CCDC150: variants seen among roughly 807,000 people sequenced by gnomAD.
CCDC150 encodes coiled-coil domain-containing protein 150.
A neutral mutation model predicts 156.5 loss-of-function variants in CCDC150; 151 were observed. That is an observed-to-expected ratio of 0.97 (90% confidence interval 0.85 to 1.10). The LOEUF (loss-of-function observed/expected upper bound fraction) is 1.10. Ranked by LOEUF, CCDC150 falls within the 50% of genes least tolerant of loss-of-function variation. CCDC150 has a pLI of 0.00. For missense variants in CCDC150, 1,312 were observed against 1,268.1 expected, an observed-to-expected ratio of 1.03 and a Z score of -0.53; for synonymous variants, 452 against 429.4, an observed-to-expected ratio of 1.05 and a Z score of -0.65.
At chr2:196,668,993 A>G (rs1694030892) in intron 7 of CCDC150, among the ~76,000 whole-genome samples, 1 of 152,180 alleles carries the variant, frequency 6.6e-6, no homozygotes, top group Non-Finnish European at 1.5e-5. Flanking sequence ...AACAAGACTG[A>G]TATGAATTTT....
intron 13 of CCDC150, among the ~76,000 whole-genome samples, chr2:196,692,300 A>T (rs1695536021): frequency 6.8e-6 from 1 of 146,652 alleles, no homozygotes; most frequent in South Asian, 2.2e-4. Flanking sequence ...GCGCCCGGCT[A>T]ATTTTTTGTA....
At chr2:196,712,846 G>A in intron 17 of CCDC150, 107 bp downstream of exon 17, 1 of 842,850 alleles carries the variant, frequency 1.2e-6, no homozygotes, top group Non-Finnish European at 1.9e-6. Context: ...AGTTAAGCAA[G>A]ATAACAAAAA....
At chr2:196,689,379 A>G (rs936131974) in intron 13 of CCDC150, among the ~76,000 whole-genome samples, 2 of 151,894 alleles carry the variant, frequency 1.3e-5, no homozygotes, top group African/African-American at 4.8e-5. Context: ...ACCCATGAGC[A>G]TGGAATGTTC....
At position 196,656,970 on chromosome 2, in the gene CCDC150, A is replaced by T; in HGVS notation, c.410A>T (p.Asp137Val). Reference protein sequence around the residue: ...LNPQKTAFLKDRLNAIQEEHS... With the variant: ...LNPQKTAFLKVRLNAIQEEHS... ...TGCGGTCTGGTAGCTTTTCTGAAAG[A>T]TCGACTGAATGCAATACAGGAAGAG... The change falls in exon 4 of 28, where the codon GAT (aspartate) becomes GTT (valine). Residue 137 changes from aspartate to valine, a missense_variant. Transcript: ENST00000389175. 2 of 1,613,450 alleles carry T rather than the reference A, an allele frequency of 1.2e-6. No individual in the cohort carries two copies. The highest frequency in any genetic ancestry group is 1.7e-6 in the Non-Finnish European group (2 of 1,179,648).
intron 16 of CCDC150, 99 bp downstream of exon 16, chr2:196,712,351 A>G (rs879634538): frequency 1.5e-6 from 1 of 661,362 alleles, no homozygotes; most frequent in Non-Finnish European, 2.5e-6. Context: ...TCCCAGAAAG[A>G]TAAATATGCT....
rs548682205 is a variant in CCDC150, at chr2:196,658,708, A to G, written c.577-84A>G. On this transcript the variant is annotated intron_variant, in intron 4 of 27. Transcript: ENST00000389175. ...TAGCATTTATAGGTTGCCAGAAAAA[A>G]ACCTGATTTGATCTGATATACCTAT... The G allele has an allele frequency of 2.7e-3, 2,648 of 971,370 alleles. 1 individual carries two copies. The highest frequency in any genetic ancestry group is 4.5e-3 in the Middle Eastern group (17 of 3,750). The allele number at this position is 971,370 out of a possible 1,614,324, so 60.2% of individuals were successfully genotyped here. A position where few individuals can be genotyped will look rare whatever the true frequency, so the allele number is the denominator to read the frequency against.
chr2:196,669,453 G>A (rs1694064275), intron 7 of CCDC150, among the ~76,000 whole-genome samples: 1 of 152,122 alleles, frequency 6.6e-6, no homozygotes, highest in Non-Finnish European at 1.5e-5. Context: ...TGTCTCTGTT[G>A]TCATGACCAG....
chr2:196,657,645 A>G (rs1160690799), intron 4 of CCDC150, among the ~76,000 whole-genome samples: 1 of 152,222 alleles, frequency 6.6e-6, no homozygotes, highest in Non-Finnish European at 1.5e-5. Context: ...GGGTGAAGAC[A>G]TTTCAAGGAG....
At chr2:196,667,145 A>C (rs1158029883) in intron 7 of CCDC150, 1 of 393,968 alleles carries the variant, frequency 2.5e-6, no homozygotes, top group African/African-American at 2.0e-5. Context: ...TGGGCAAAAA[A>C]AGTAAAACAA....
rs781673576 is a variant in CCDC150, at chr2:196,732,577, G to C, written c.*15G>C. ...AGAGGAAGTGATGTCCTTGACAAGG[G>C]AGCTTCTTTATGTGTAGCTACACTC... On this transcript the variant is annotated 3_prime_UTR_variant, in exon 28 of 28. Coordinates refer to ENST00000389175, the MANE Select transcript of CCDC150 (RefSeq NM_001080539.2). The C allele has an allele frequency of 9.1e-6, 14 of 1,546,154 alleles. No individual in the cohort carries two copies. The highest frequency in any genetic ancestry group is 2.2e-5 in the South Asian group (2 of 89,686).
At position 196,646,413 on chromosome 2, in the gene CCDC150, T is replaced by C; in HGVS notation, c.85T>C (p.Phe29Leu). The C allele has an allele frequency of 6.2e-7, 1 of 1,613,780 alleles. No individual in the cohort carries two copies. The highest frequency in any genetic ancestry group is 1.7e-5 in the Admixed American group (1 of 60,020). Residue 29 changes from phenylalanine to leucine, a missense_variant, in exon 2 of 28, where the codon TTC (phenylalanine) becomes CTC (leucine). Physicochemically the swap from Phe to Leu is conservative, Grantham distance 22. Coordinates refer to ENST00000389175, the MANE Select transcript of CCDC150 (RefSeq NM_001080539.2). ...CATCAACGCTACAGCTTCTGAAACA[T>C]TCACAGTACTTCAGCAAAGGATGAG... ...THINATASET[F>L]TVLQQRMRIV...
chr2:196,648,268 G>A (rs749069225), intron 2 of CCDC150, among the ~76,000 whole-genome samples: 2 of 151,990 alleles, frequency 1.3e-5, no homozygotes, highest in Admixed American at 1.3e-4. Flanking sequence ...TATGTACGGG[G>A]GTTCCCTTTT....
At chr2:196,712,984 G>A (rs1242297311) in intron 17 of CCDC150, 4 of 521,946 alleles carry the variant, frequency 7.7e-6, no homozygotes, top group African/African-American at 1.9e-5. Flanking sequence ...AAAAGCATAT[G>A]TAACTTCTGT....
Position 196,665,578 on chromosome 2 carries a change from A to G in CCDC150, c.657A>G (p.Gln219=), listed in dbSNP as rs74454431. Residue 219 remains glutamine (Q), a synonymous_variant, in exon 6 of 28, where the codon CAA becomes CAG. Coordinates refer to ENST00000389175, the MANE Select transcript of CCDC150 (RefSeq NM_001080539.2). ...MNLKIQELRR[Q]LAQEKYLRES... is the part of the protein sequence containing the mutation. Reference sequence around the variant, plus strand: ...GTGTTGCTTTGTAGCTAAGGAGACAACTGGCTCAGGAGAAGTACCTTAGGG... The same window carrying G: ...GTGTTGCTTTGTAGCTAAGGAGACAGCTGGCTCAGGAGAAGTACCTTAGGG... 3 of 1,598,854 alleles carry G rather than the reference A, an allele frequency of 1.9e-6. No homozygotes were observed. Among genetic ancestry groups the G allele is most frequent in the East Asian group, 2.3e-5 (1 of 44,356 alleles).
chr2:196,669,751 T>A, intron 7 of CCDC150, 82 bp from the exon 8 acceptor site: 1 of 934,714 alleles, frequency 1.1e-6, no homozygotes, highest in Non-Finnish European at 1.7e-6. Context: ...AAAATAGACA[T>A]AAAATATTTA....
chr2:196,681,708 A>G (rs1037876565), intron 13 of CCDC150, among the ~76,000 whole-genome samples: 3 of 152,170 alleles, frequency 2.0e-5, no homozygotes, highest in Non-Finnish European at 2.9e-5. Flanking sequence ...GTATTTCCAT[A>G]GTAACTAATG....
At chr2:196,684,450 G>A (rs924597972) in intron 13 of CCDC150, among the ~76,000 whole-genome samples, 11 of 152,192 alleles carry the variant, frequency 7.2e-5, no homozygotes, top group Admixed American at 3.9e-4. Context: ...TTTATTGAGA[G>A]TTGTTTTGTG....
chr2:196,672,403 T>A lies in CCDC150; in HGVS notation c.995T>A (p.Ile332Lys). Residue 332 changes from isoleucine to lysine, a missense_variant, in exon 9 of 28, where the codon ATA (isoleucine) becomes AAA (lysine). By Grantham distance (102) the Ile-to-Lys change is moderately radical. Coordinates refer to ENST00000389175, the MANE Select transcript of CCDC150 (RefSeq NM_001080539.2). ...GAAAATGCATATTTGAGGTCCGAAA[T>A]AATGTCTCTTCATGAAGCATCAGAA... ...HEENAYLRSE[I>K]MSLHEASEKA... 6.5e-7 allele frequency: 1 copy of A among 1,545,632 alleles called. No individual in the cohort carries two copies. Among genetic ancestry groups the A allele is most frequent in the Non-Finnish European group, 8.7e-7 (1 of 1,148,064 alleles).
At chr2:196,712,322 T>C in intron 16 of CCDC150, 70 bp downstream of exon 16, 1 of 840,056 alleles carries the variant, frequency 1.2e-6, no homozygotes, top group Non-Finnish European at 1.9e-6. Flanking sequence ...GATGTCTTTT[T>C]CCCCACTTTA....
Sources: gnomAD v4.1 joint callset for allele counts (sites outside exome capture counted in the v4.1 genomes callset) on GRCh38, gnomAD v4.1.1 for gene constraint, MANE v1.5 for transcripts, NCBI Gene and HGNC (gene_info 2026-07-23, HGNC 2026-07-21) for gene names.